The following ZNF804B variants were observed in gnomAD, a reference collection of about 807,000 sequenced individuals.
ZNF804B encodes zinc finger protein 804B.
Under a neutral mutation model 101.4 loss-of-function variants are expected in ZNF804B, and 80 were observed. The ratio of observed to expected loss-of-function variants is 0.79; its 90% CI spans 0.66 to 0.95. The LOEUF is 0.95. Among genes scored for constraint, ZNF804B ranks in the 40% least tolerant of loss-of-function variants. ZNF804B has a pLI of 0.00. For synonymous variants in ZNF804B, 622 were observed against 558.8 expected, an observed-to-expected ratio of 1.11 and a Z score of -1.59; for missense variants, 1,673 against 1,561.9, an observed-to-expected ratio of 1.07 and a Z score of -1.20.
intron 1 of ZNF804B, among the ~76,000 whole-genome samples, chr7:88,811,910 C>T (rs1319244659): frequency 6.6e-6 from 1 of 152,090 alleles, no homozygotes; most frequent in Non-Finnish European, 1.5e-5. Flanking sequence ...AGCAAACCAC[C>T]ATGGTACACA....
At position 89,333,922 on chromosome 7, in the gene ZNF804B, C is replaced by G; in HGVS notation, c.940C>G (p.Leu314Val). 17 of 1,613,504 alleles carry G rather than the reference C, an allele frequency of 1.1e-5. No homozygotes were observed. The highest frequency in any genetic ancestry group is 1.4e-5 in the Non-Finnish European group (17 of 1,179,690). The change falls in exon 4 of 4, where the codon CTA (leucine) becomes GTA (valine). Residue 314 changes from leucine (L) to valine (V), a missense_variant. Transcript: ENST00000333190. ...CAAACACGACTCTATTGATGAGACACTAGAAGATTCAATTGGCATTCATGC... is the reference window on the plus strand; with the variant it reads ...CAAACACGACTCTATTGATGAGACAGTAGAAGATTCAATTGGCATTCATGC... ...QDKHDSIDET[L>V]EDSIGIHASF... is the part of the protein sequence containing the mutation.
intron 1 of ZNF804B, among the ~76,000 whole-genome samples, chr7:89,176,873 T>C (rs78039813): frequency 0.014 from 2,158 of 152,152 alleles, 45 homozygotes; most frequent in South Asian, 0.031. Context: ...TGGTAGGTTG[T>C]ATGTATGTAG....
At chr7:88,931,553 A>G (rs1379410064) in intron 1 of ZNF804B, among the ~76,000 whole-genome samples, 3 of 151,924 alleles carry the variant, frequency 2.0e-5, no homozygotes, top group African/African-American at 4.8e-5. Context: ...TCATTAAGAA[A>G]AACTGATAAG....
At chr7:88,856,232 C>T (rs1203658816) in intron 1 of ZNF804B, among the ~76,000 whole-genome samples, 1 of 152,116 alleles carries the variant, frequency 6.6e-6, no homozygotes, top group Non-Finnish European at 1.5e-5. Flanking sequence ...TTCTTCCTAC[C>T]CACGAGCATG....
intron 2 of ZNF804B, among the ~76,000 whole-genome samples, chr7:89,219,061 G>A (rs1245400296): frequency 2.0e-5 from 3 of 152,084 alleles, no homozygotes; most frequent in African/African-American, 7.2e-5. Flanking sequence ...GTTAGTGACA[G>A]ATTTAGAATC....
chr7:89,298,843 T>G (rs1208139697), intron 2 of ZNF804B, among the ~76,000 whole-genome samples: 1 of 151,972 alleles, frequency 6.6e-6, no homozygotes, highest in East Asian at 1.9e-4. Context: ...TGATCCATAT[T>G]ACATCCCTAC....
chr7:89,302,972 T>C (rs1790505297), intron 2 of ZNF804B, among the ~76,000 whole-genome samples: 2 of 151,980 alleles, frequency 1.3e-5, no homozygotes, highest in Non-Finnish European at 1.5e-5. Context: ...ATTAATTTTC[T>C]TTGAAAACGT....
At chr7:88,936,775 T>G (rs774809759) in intron 1 of ZNF804B, among the ~76,000 whole-genome samples, 4 of 152,046 alleles carry the variant, frequency 2.6e-5, no homozygotes, top group Non-Finnish European at 5.9e-5. Context: ...TTCTACCTTA[T>G]GCTTGGTGGG....
At chr7:89,159,983 G>A (rs755492559) in intron 1 of ZNF804B, among the ~76,000 whole-genome samples, 5 of 152,050 alleles carry the variant, frequency 3.3e-5, no homozygotes, top group Admixed American at 1.3e-4. Context: ...CTAGCTGAGC[G>A]ATGATATAAG....
At chr7:89,316,016 T>C (rs746531269) in intron 2 of ZNF804B, among the ~76,000 whole-genome samples, 7 of 152,206 alleles carry the variant, frequency 4.6e-5, no homozygotes, top group Non-Finnish European at 1.0e-4. Context: ...TGTGTGTGTG[T>C]CTGTGTATGC....
intron 1 of ZNF804B, among the ~76,000 whole-genome samples, chr7:89,152,176 G>A (rs899175732): frequency 6.6e-6 from 1 of 151,798 alleles, no homozygotes; most frequent in African/African-American, 2.4e-5. Context: ...TATTTTAAGT[G>A]AGATAAGAGA....
intron 1 of ZNF804B, among the ~76,000 whole-genome samples, chr7:89,128,891 T>A (rs1421164474): frequency 6.6e-6 from 1 of 151,986 alleles, no homozygotes; most frequent in Non-Finnish European, 1.5e-5. Flanking sequence ...TTGTATCATG[T>A]CTGTGGCTAA....
intron 1 of ZNF804B, among the ~76,000 whole-genome samples, chr7:88,891,546 C>T (rs116506148): frequency 4.1e-4 from 62 of 151,866 alleles, no homozygotes; most frequent in African/African-American, 1.4e-3. Flanking sequence ...GCCTTTACCT[C>T]GTTTGAATTA....
chr7:89,146,989 A>G (rs969702636), intron 1 of ZNF804B, among the ~76,000 whole-genome samples: 2 of 151,598 alleles, frequency 1.3e-5, no homozygotes, highest in African/African-American at 4.8e-5. Flanking sequence ...AGATTGCGCC[A>G]CTGCACCATA....
rs141490332 is a variant in ZNF804B, at chr7:89,110,827, T to C, written c.109-107328T>C. The stretch of plus-strand genomic sequence containing the variant: ...GTGAACCATTACAGTTACAGTATTG[T>C]ACAGAATAGTTTTCCTGCCCTAAAT... On this transcript the variant is annotated intron_variant, in intron 1 of 3. Coordinates refer to ENST00000333190, the MANE Select transcript of ZNF804B (RefSeq NM_181646.5). Among the ~76,000 whole-genome samples, 221 of 152,286 alleles carry C rather than the reference T, an allele frequency of 1.5e-3. 2 individuals are homozygous for C. Among genetic ancestry groups the C allele is most frequent in the African/African-American group, 4.6e-3 (190 of 41,570 alleles).
chr7:89,186,273 C>T (rs552748815), intron 1 of ZNF804B, among the ~76,000 whole-genome samples: 1 of 152,082 alleles, frequency 6.6e-6, no homozygotes, highest in South Asian at 2.1e-4. Flanking sequence ...AGCTAAAAGA[C>T]TAATTCCTAT....
chr7:88,807,043 T>C (rs1197307571), intron 1 of ZNF804B, among the ~76,000 whole-genome samples: 1 of 152,212 alleles, frequency 6.6e-6, no homozygotes, highest in African/African-American at 2.4e-5. Context: ...AACTGTTTTC[T>C]TTGTGACTTA....
At chr7:88,832,613 AT>A (rs938595261) in intron 1 of ZNF804B, among the ~76,000 whole-genome samples, 2 of 151,880 alleles carry the variant, frequency 1.3e-5, no homozygotes, top group African/African-American at 4.8e-5. Context: ...AAAAAAAAAA[AT>A]CTAGGGAAGA....
intron 1 of ZNF804B, among the ~76,000 whole-genome samples, chr7:88,952,685 A>G (rs564501988): frequency 6.6e-6 from 1 of 151,928 alleles, no homozygotes; most frequent in South Asian, 2.1e-4. Context: ...GGAAAGTACT[A>G]GAGCAAGAAA....
Sources: allele counts gnomAD v4.1 joint callset (sites outside exome capture counted in the v4.1 genomes callset), GRCh38; gene constraint gnomAD v4.1.1; transcripts MANE v1.5; gene names NCBI Gene and HGNC (gene_info 2026-07-23, HGNC 2026-07-21).